Variants in ADGRB3 observed in about 807,000 individuals in gnomAD.
The protein encoded by ADGRB3 is brain-specific angiogenesis inhibitor 3.
In ADGRB3, 37 loss-of-function variants were observed where a neutral mutation model predicts 193.4. The observed-to-expected ratio is 0.19, with a 90% confidence interval of 0.15 to 0.25. The LOEUF is 0.25. ADGRB3 is among the 10% of genes least tolerant of loss of function. The pLI, the probability that ADGRB3 is intolerant of heterozygous loss-of-function variation, is 1.00. For missense variants in ADGRB3, 1,637 were observed against 1,852.9 expected, an observed-to-expected ratio of 0.88 and a Z score of 2.14; for synonymous variants, 690 against 644.2, an observed-to-expected ratio of 1.07 and a Z score of -1.08.
chr6:68,961,897 T>G (rs1453102420), intron 8 of ADGRB3, among the ~76,000 whole-genome samples: 1 of 152,206 alleles, frequency 6.6e-6, no homozygotes, highest in Non-Finnish European at 1.5e-5. Context: ...GGAATTTATA[T>G]TATTTTCTGC....
chr6:68,992,843 T>C (rs2150274665), intron 10 of ADGRB3, among the ~76,000 whole-genome samples: 1 of 152,320 alleles, frequency 6.6e-6, no homozygotes, highest in Admixed American at 6.5e-5. Context: ...AATTGGTAAT[T>C]GCAATTAATG....
intron 3 of ADGRB3, among the ~76,000 whole-genome samples, chr6:68,897,809 AAG>A (rs1766278892): frequency 6.6e-6 from 1 of 150,802 alleles, no homozygotes; most frequent in Admixed American, 6.6e-5. Context: ...AACAGAAAGA[AAG>A]AAGAAAAGGA....
At chr6:69,276,635 T>C (rs1040864806) in intron 20 of ADGRB3, among the ~76,000 whole-genome samples, 1 of 152,182 alleles carries the variant, frequency 6.6e-6, no homozygotes, top group Admixed American at 6.5e-5. Context: ...TCCAAGGTCT[T>C]CATCAGCCAC....
chr6:69,145,315 G>T (rs1296345974), intron 17 of ADGRB3, among the ~76,000 whole-genome samples: 1 of 152,202 alleles, frequency 6.6e-6, no homozygotes, highest in Admixed American at 6.5e-5. Flanking sequence ...CCGGCTCCCT[G>T]CAAGGCTGCA....
chr6:69,249,838 G>T (rs1766584268), intron 20 of ADGRB3, among the ~76,000 whole-genome samples: 1 of 152,038 alleles, frequency 6.6e-6, no homozygotes, highest in Admixed American at 6.6e-5. Flanking sequence ...TAAATCTTAA[G>T]CCTTGAAGAA....
At chr6:68,789,765 T>C (rs536924599) in intron 3 of ADGRB3, among the ~76,000 whole-genome samples, 1 of 152,216 alleles carries the variant, frequency 6.6e-6, no homozygotes, top group Non-Finnish European at 1.5e-5. Flanking sequence ...CTTGGTTCCA[T>C]TCTCCCCATC....
chr6:68,639,931 A>G (rs915769527), intron 3 of ADGRB3, among the ~76,000 whole-genome samples: 3 of 152,164 alleles, frequency 2.0e-5, no homozygotes, highest in Non-Finnish European at 2.9e-5. Context: ...ACTAAAAGGT[A>G]GTGCAAACTT....
intron 3 of ADGRB3, among the ~76,000 whole-genome samples, chr6:68,858,611 A>AAC (rs60066891): frequency 6.7e-6 from 1 of 149,444 alleles, no homozygotes; most frequent in Non-Finnish European, 1.5e-5. Flanking sequence ...AAAAAAAAAA[A>AAC]CACAGCATAA....
intron 13 of ADGRB3, among the ~76,000 whole-genome samples, chr6:69,021,022 G>C (rs1403734343): frequency 6.6e-6 from 1 of 151,880 alleles, no homozygotes; most frequent in Non-Finnish European, 1.5e-5. Context: ...GTAGAAAGTT[G>C]TGAAACATGT....
intron 20 of ADGRB3, among the ~76,000 whole-genome samples, chr6:69,321,293 C>T (rs575539723): frequency 2.0e-5 from 3 of 151,774 alleles, no homozygotes; most frequent in Admixed American, 2.0e-4. Flanking sequence ...AAATGTTTGC[C>T]AATAACATTC....
chr6:69,211,477 C>T (rs942095681), intron 17 of ADGRB3, among the ~76,000 whole-genome samples: 19 of 151,956 alleles, frequency 1.3e-4, no homozygotes, highest in Non-Finnish European at 2.1e-4. Context: ...CAAGTAACAT[C>T]TAAAAAAGTT....
At chr6:69,055,307 C>T (rs576044532) in intron 15 of ADGRB3, among the ~76,000 whole-genome samples, 5 of 152,288 alleles carry the variant, frequency 3.3e-5, no homozygotes, top group Middle Eastern at 3.4e-3. Flanking sequence ...CTCCCTCTGA[C>T]CCTTAGCAAC....
chr6:69,220,956 T>C (rs1765881361), intron 17 of ADGRB3, among the ~76,000 whole-genome samples: 1 of 152,028 alleles, frequency 6.6e-6, no homozygotes, highest in East Asian at 1.9e-4. Flanking sequence ...CTGATTGGGT[T>C]GTAGGTTTCA....
At chr6:69,288,179 T>C (rs1767591684) in intron 20 of ADGRB3, among the ~76,000 whole-genome samples, 2 of 152,184 alleles carry the variant, frequency 1.3e-5, no homozygotes, top group Admixed American at 6.5e-5. Flanking sequence ...GTATTTCTCC[T>C]AATGCTATCC....
intron 29 of ADGRB3, among the ~76,000 whole-genome samples, chr6:69,367,195 C>T (rs1769590908): frequency 6.6e-6 from 1 of 152,068 alleles, no homozygotes. Context: ...GGCATATTCT[C>T]ATAAGATCAC....
At chr6:69,379,410 T>C (rs1769898860) in intron 30 of ADGRB3, among the ~76,000 whole-genome samples, 1 of 152,062 alleles carries the variant, frequency 6.6e-6, no homozygotes. Flanking sequence ...AATAGATTTA[T>C]AAGCATGAAA....
At chr6:69,255,009 C>T (rs1766725280) in intron 20 of ADGRB3, among the ~76,000 whole-genome samples, 1 of 151,648 alleles carries the variant, frequency 6.6e-6, no homozygotes, top group Non-Finnish European at 1.5e-5. Context: ...TTTCCAATTT[C>T]ATCCATGTCC....
rs141506866 is a variant in ADGRB3 at position 69,079,737 on chromosome 6, G to T, written c.2480+3699G>T. Among the ~76,000 whole-genome samples, 380 of 152,110 alleles carry T rather than the reference G, an allele frequency of 2.5e-3. 1 individual carries two copies. Among genetic ancestry groups the T allele is most frequent in the African/African-American group, 8.8e-3 (365 of 41,550 alleles). On this transcript the variant is annotated intron_variant, in intron 17 of 31. Transcript: ENST00000370598. ...GATTTTGAGTATTAGATCATGCGTGGTGACTACATTTCCTGGAAAACCTAT... is the reference window on the plus strand; with the variant it reads ...GATTTTGAGTATTAGATCATGCGTGTTGACTACATTTCCTGGAAAACCTAT...
intron 13 of ADGRB3, among the ~76,000 whole-genome samples, chr6:69,019,380 T>A (rs1200446388): frequency 4.6e-5 from 7 of 152,042 alleles, no homozygotes; most frequent in Non-Finnish European, 8.8e-5. Flanking sequence ...GTTTCTGGAT[T>A]AGGAAGAGAC....
Sources: gnomAD v4.1 joint callset for allele counts (sites outside exome capture counted in the v4.1 genomes callset) on GRCh38, gnomAD v4.1.1 for gene constraint, MANE v1.5 for transcripts, NCBI Gene and HGNC (gene_info 2026-07-23, HGNC 2026-07-21) for gene names.